ADGRG4: variants seen among roughly 807,000 people sequenced by gnomAD.
ADGRG4 encodes the protein G protein-coupled receptor 112.
In ADGRG4, 122 loss-of-function variants were observed where a neutral mutation model predicts 126.2. The ratio of observed to expected loss-of-function variants is 0.97; its 90% confidence interval spans 0.83 to 1.12. ADGRG4 has a LOEUF of 1.12. Ranked by LOEUF, ADGRG4 falls within the 50% of genes most tolerant of loss-of-function variation. The pLI is 0.00. For missense variants in ADGRG4, 2,481 were observed against 2,251.8 expected (o/e 1.10, Z -2.06); for synonymous variants, 943 against 838.7 (o/e 1.12, Z -2.15).
Position 136,348,445 on chromosome X carries a change from A to T in ADGRG4, c.4739A>T (p.Asp1580Val). Reference protein sequence around the residue: ...SAFTPATVSSDTSTRVGLFST... With the variant: ...SAFTPATVSSVTSTRVGLFST... ...TTCACACCTGCAACAGTCTCTTCTG[A>T]CACTTCCACAAGAGTTGGGTTATTC... The change falls in exon 6 of 26, where the codon GAC (aspartate) becomes GTC (valine). Residue 1580 changes from aspartate (D) to valine (V), a missense_variant. Asp to Val is a radical substitution (Grantham distance 152). Coordinates refer to ENST00000394143, the MANE Select transcript of ADGRG4 (RefSeq NM_153834.4). The T allele has an allele frequency of 1.7e-6, 2 of 1,207,302 alleles. No individual in the cohort carries two copies. Among genetic ancestry groups the T allele is most frequent in the South Asian group, 1.8e-5 (1 of 56,862 alleles).
In ADGRG4 at chrX:136,348,788, C is replaced by A. The variant is rs1162884949; in HGVS notation, c.5082C>A (p.Thr1694=). The change falls in exon 6 of 26, where the codon ACC becomes ACA. Residue 1694 remains threonine (T), a synonymous_variant. Transcript: ENST00000394143. ...GAGCTATTTCCTCCATTCCAAAGAC[C>A]ACATTTTCACCATTTCTATCAGCAA... ...STGAISSIPK[T]TFSPFLSATQ... is the part of the protein sequence containing the mutation. The A allele has an allele frequency of 8.3e-7, 1 of 1,208,741 alleles. No homozygotes were observed. Among genetic ancestry groups the A allele is most frequent in the East Asian group, 3.0e-5 (1 of 33,700 alleles).
intron 5 of ADGRG4, among the ~76,000 whole-genome samples, chrX:136,334,082 TTC>T (rs1270641804): frequency 1.2e-3 from 10 of 8,116 alleles, no homozygotes; most frequent in African/African-American, 0.012. Context: ...CTCTCTTTCT[TTC>T]TTTCTTTCTT....
At chrX:136,403,176 C>T (rs2075388313) in intron 21 of ADGRG4, 68 bp from the exon 22 acceptor site, 2 of 786,521 alleles carry the variant, frequency 2.5e-6, no homozygotes, top group Admixed American at 4.5e-5. Context: ...TATCATCACC[C>T]ACAGTCATTG....
At chrX:136,353,525 TCTTC>T in intron 8 of ADGRG4, 124 bp downstream of exon 8, 1 of 497,764 alleles carries the variant, frequency 2.0e-6, no homozygotes, top group Non-Finnish European at 3.5e-6. Flanking sequence ...TTTAGTTGCA[TCTTC>T]CTTCCTGAGT....
intron 16 of ADGRG4, among the ~76,000 whole-genome samples, chrX:136,390,963 G>A (rs1304889760): frequency 1.8e-5 from 2 of 110,606 alleles, no homozygotes; most frequent in African/African-American, 6.6e-5. Context: ...AGCCTTTTGA[G>A]TGTCAGCAGG....
At chrX:136,341,760 T>C (rs2074980403) in intron 5 of ADGRG4, among the ~76,000 whole-genome samples, 1 of 111,943 alleles carries the variant, frequency 8.9e-6, no homozygotes, top group Non-Finnish European at 1.9e-5. Context: ...TGGAAGATTG[T>C]CATTCATTCT....
rs2075039538 is a variant in ADGRG4 at position 136,348,909 on chromosome X, G to T, written c.5203G>T (p.Val1735Leu). 8.3e-7 allele frequency: 1 copy of T among 1,204,159 alleles called. No homozygotes were observed. The highest frequency in any genetic ancestry group is 1.1e-6 in the Non-Finnish European group (1 of 889,549). ...SLSTVNSGTGVALTDTYSRIT... is the reference protein window; with the variant it reads ...SLSTVNSGTGLALTDTYSRIT... ...ATCTACTGTGAACAGTGGTACAGGG[G>T]TAGCTCTCACAGATACTTATTCCAG... The change falls in exon 6 of 26, where the codon GTA (valine) becomes TTA (leucine). Residue 1735 changes from valine to leucine, a missense_variant. Transcript: ENST00000394143.
intron 23 of ADGRG4, among the ~76,000 whole-genome samples, chrX:136,410,241 C>G (rs1395750388): frequency 9.0e-6 from 1 of 111,108 alleles, no homozygotes; most frequent in African/African-American, 3.3e-5. Context: ...GTTTTCCACT[C>G]CAAGTTTTTT....
chrX:136,355,823 A>G (rs912951411), intron 8 of ADGRG4, among the ~76,000 whole-genome samples: 1 of 112,355 alleles, frequency 8.9e-6, no homozygotes, highest in East Asian at 2.8e-4. Flanking sequence ...TCCTCCAATT[A>G]TCTAGTGATG....
At chrX:136,369,938 G>A (rs2075182791) in intron 13 of ADGRG4, among the ~76,000 whole-genome samples, 1 of 110,969 alleles carries the variant, frequency 9.0e-6, no homozygotes. Flanking sequence ...TTACATTGAT[G>A]AGAACAGAAA....
At chrX:136,380,653 TCCTCC>T (rs2148486655) in intron 15 of ADGRG4, among the ~76,000 whole-genome samples, 1 of 76,990 alleles carries the variant, frequency 1.3e-5, no homozygotes, top group Admixed American at 1.3e-4. Context: ...TTCTTCTTCC[TCCTCC>T]TCCTCCTCCT....
At position 136,322,780 on chromosome X, in the gene ADGRG4, A is replaced by ACAC. The variant is rs775037301; in HGVS notation, c.74_76dup (p.Thr25_Leu26insPro). On this transcript the variant is annotated inframe_insertion, in exon 5 of 26. Transcript: ENST00000394143. ...TCCCCTCCCCCAAATTTGGACAGAT[A>ACAC]CACTTTCACTAAAAGGAAAAAAGCT... is the stretch of plus-strand genomic sequence containing the variant. 1 of 1,178,490 alleles carries ACAC rather than the reference A, an allele frequency of 8.5e-7. No homozygotes were observed. Among genetic ancestry groups the ACAC allele is most frequent in the East Asian group, 3.0e-5 (1 of 33,586 alleles).
intron 19 of ADGRG4, 120 bp from the exon 20 acceptor site, chrX:136,397,761 A>T: frequency 1.5e-6 from 1 of 680,852 alleles, no homozygotes; most frequent in Non-Finnish European, 2.2e-6. Flanking sequence ...ATCTGGTTTT[A>T]GAAGAGCTAT....
chrX:136,412,166 A>C, intron 23 of ADGRG4, 99 bp from the exon 24 acceptor site: 1 of 567,164 alleles, frequency 1.8e-6, no homozygotes, highest in East Asian at 3.4e-5. Flanking sequence ...GGGTTCCTTG[A>C]AAGTAGTATC....
intron 19 of ADGRG4, 147 bp downstream of exon 19, chrX:136,395,640 G>A (rs960037949): frequency 5.8e-6 from 2 of 345,296 alleles, no homozygotes; most frequent in Admixed American, 5.4e-5. Context: ...ATCAGATTGA[G>A]ACAAATATTT....
intron 13 of ADGRG4, among the ~76,000 whole-genome samples, chrX:136,367,821 GCT>G (rs1230282017): frequency 8.9e-6 from 1 of 112,255 alleles, no homozygotes; most frequent in Non-Finnish European, 1.9e-5. Flanking sequence ...AAACTCTTCT[GCT>G]CTCTCACTTA....
chrX:136,383,033 GA>G (rs199561502), intron 15 of ADGRG4, among the ~76,000 whole-genome samples: 3 of 110,397 alleles, frequency 2.7e-5, no homozygotes, highest in African/African-American at 6.6e-5. Flanking sequence ...CTGGCTATGG[GA>G]AAAAAAGTAC....
intron 13 of ADGRG4, among the ~76,000 whole-genome samples, chrX:136,368,188 TG>T (rs1254750017): frequency 8.9e-6 from 1 of 112,426 alleles, no homozygotes; most frequent in African/African-American, 3.2e-5. Flanking sequence ...GAATTAGCAC[TG>T]GGTTAGAATA....
At chrX:136,393,652 G>T (rs2075331650) in intron 18 of ADGRG4, 72 bp downstream of exon 18, 2 of 773,019 alleles carry the variant, frequency 2.6e-6, no homozygotes, top group Non-Finnish European at 3.9e-6. Context: ...ATGGGAGGGG[G>T]TTGTGCTGAA....
Sources: allele counts gnomAD v4.1 joint callset (sites outside exome capture counted in the v4.1 genomes callset), GRCh38; gene constraint gnomAD v4.1.1; transcripts MANE v1.5; gene names NCBI Gene and HGNC (gene_info 2026-07-23, HGNC 2026-07-21).